STXBP5L: variants seen among roughly 807,000 people sequenced by gnomAD.
STXBP5L encodes the protein syntaxin-binding protein 5-like.
In STXBP5L, 65 loss-of-function variants were observed where a neutral mutation model predicts 144.5. That is an observed-to-expected ratio of 0.45 (90% CI 0.37 to 0.55). The LOEUF (loss-of-function observed/expected upper bound fraction) is 0.55, where lower values mean the gene tolerates loss of function less well. STXBP5L is among the 20% of genes least tolerant of loss of function. The probability of loss-of-function intolerance (pLI) is 0.00; values close to 1 mark genes in which losing one functional copy is unlikely to be tolerated. For synonymous variants in STXBP5L, 505 were observed against 469.6 expected (o/e 1.08, Z -0.97); for missense variants, 1,298 against 1,405.5 (o/e 0.92, Z 1.22).
chr3:120,967,775 A>G (rs930780521), intron 3 of STXBP5L, among the ~76,000 whole-genome samples: 2 of 152,042 alleles, frequency 1.3e-5, no homozygotes, highest in African/African-American at 4.8e-5. Flanking sequence ...CTTTTGCTGT[A>G]TTTCATAGGT....
chr3:121,094,596 C>A (rs536017351), intron 5 of STXBP5L, among the ~76,000 whole-genome samples: 17 of 151,920 alleles, frequency 1.1e-4, no homozygotes, highest in African/African-American at 4.1e-4. Context: ...GATTGCAACC[C>A]CTGCCTTTTT....
At chr3:121,034,416 G>T (rs1406673972) in intron 3 of STXBP5L, among the ~76,000 whole-genome samples, 4 of 152,032 alleles carry the variant, frequency 2.6e-5, no homozygotes, top group African/African-American at 9.7e-5. Context: ...TCTAACTTAG[G>T]ATAATGGCCT....
intron 3 of STXBP5L, among the ~76,000 whole-genome samples, chr3:121,023,507 A>G (rs1945709708): frequency 6.6e-6 from 1 of 152,234 alleles, no homozygotes; most frequent in South Asian, 2.1e-4. Context: ...CTACAAGGCT[A>G]TGGTTACCAA....
rs1307280207 is a variant in STXBP5L at position 121,381,461 on chromosome 3, T to C, written c.2516T>C (p.Leu839Ser). Residue 839 changes from leucine (L) to serine (S), a missense_variant, in exon 22 of 27, where the codon TTA (leucine) becomes TCA (serine). Physicochemically the swap from Leu to Ser is moderately radical, Grantham distance 145 (BLOSUM62 -2). Coordinates refer to ENST00000471454, the MANE Select transcript of STXBP5L (RefSeq NM_001308330.2). ...GTTGGAACCAGTCTGGGAATGGTGT[T>C]AATCATCTCCTTAAACCTACCATTA... ...LFVGTSLGMV[L>S]IISLNLPLAD... The C allele has an allele frequency of 6.3e-7, 1 of 1,599,124 alleles. No individual in the cohort carries two copies. The highest frequency in any genetic ancestry group is 2.2e-5 in the East Asian group (1 of 44,770).
chr3:121,262,388 G>C (rs149732340), intron 18 of STXBP5L, among the ~76,000 whole-genome samples: 1 of 152,162 alleles, frequency 6.6e-6, no homozygotes, highest in Non-Finnish European at 1.5e-5. Context: ...CCAGCACTTC[G>C]GGAGGCCAAG....
At chr3:121,053,967 G>A (rs1285310769) in intron 5 of STXBP5L, among the ~76,000 whole-genome samples, 1 of 152,130 alleles carries the variant, frequency 6.6e-6, no homozygotes, top group Non-Finnish European at 1.5e-5. Context: ...AGACATTTAT[G>A]CAGCCAAAAG....
At chr3:121,377,596 G>A (rs9824168) in intron 20 of STXBP5L, among the ~76,000 whole-genome samples, 11 of 152,260 alleles carry the variant, frequency 7.2e-5, no homozygotes, top group Non-Finnish European at 1.6e-4. Flanking sequence ...GGTCATTAGA[G>A]AAATGCAAAT....
At chr3:121,034,009 C>T (rs1277188895) in intron 3 of STXBP5L, among the ~76,000 whole-genome samples, 1 of 152,040 alleles carries the variant, frequency 6.6e-6, no homozygotes, top group African/African-American at 2.4e-5. Flanking sequence ...ATAGTAACTA[C>T]TAAAATAGCA....
intron 20 of STXBP5L, among the ~76,000 whole-genome samples, chr3:121,362,093 T>A (rs776730915): frequency 6.6e-6 from 1 of 152,240 alleles, no homozygotes; most frequent in Non-Finnish European, 1.5e-5. Flanking sequence ...TTATCTGGGT[T>A]ACATGACAGA....
chr3:121,242,500 A>G (rs1481775042), intron 14 of STXBP5L, among the ~76,000 whole-genome samples: 1 of 152,130 alleles, frequency 6.6e-6, no homozygotes, highest in Non-Finnish European at 1.5e-5. Context: ...AAAAAACTGT[A>G]AAAATTATGC....
At chr3:121,038,274 A>T (rs1233415960) in intron 3 of STXBP5L, among the ~76,000 whole-genome samples, 1 of 151,980 alleles carries the variant, frequency 6.6e-6, no homozygotes, top group African/African-American at 2.4e-5. Flanking sequence ...AGGTAATAAA[A>T]GCTCTAAATT....
chr3:121,224,391 C>T (rs573444949), intron 11 of STXBP5L, among the ~76,000 whole-genome samples: 84 of 152,194 alleles, frequency 5.5e-4, no homozygotes, highest in Middle Eastern at 3.4e-3. Context: ...TCCAAAGTTA[C>T]TAGGACAGAC....
intron 17 of STXBP5L, 39 bp downstream of exon 17, chr3:121,257,372 T>C: frequency 6.5e-7 from 1 of 1,540,252 alleles, no homozygotes; most frequent in Non-Finnish European, 8.9e-7. Context: ...ATTTTAGATA[T>C]TAATCATATG....
chr3:121,335,205 C>T (rs2044463686), intron 20 of STXBP5L, among the ~76,000 whole-genome samples: 1 of 152,084 alleles, frequency 6.6e-6, no homozygotes. Flanking sequence ...ATCCCATTCA[C>T]AATTGCCACA....
intron 20 of STXBP5L, among the ~76,000 whole-genome samples, chr3:121,319,621 C>T (rs2043902621): frequency 6.6e-6 from 1 of 152,128 alleles, no homozygotes. Context: ...GTATTTATTG[C>T]CTCATACCTA....
At chr3:121,216,359 G>A (rs951316617) in intron 10 of STXBP5L, among the ~76,000 whole-genome samples, 4 of 152,062 alleles carry the variant, frequency 2.6e-5, no homozygotes, top group Non-Finnish European at 4.4e-5. Flanking sequence ...CTTCGGATGG[G>A]GTTTTTGTGT....
At chr3:120,998,465 G>A (rs146655218) in intron 3 of STXBP5L, among the ~76,000 whole-genome samples, 3 of 151,946 alleles carry the variant, frequency 2.0e-5, no homozygotes, top group South Asian at 4.2e-4. Context: ...CACGTGCCAT[G>A]GTGGTTTGCT....
intron 9 of STXBP5L, among the ~76,000 whole-genome samples, chr3:121,165,555 T>C (rs529767080): frequency 1.3e-5 from 2 of 152,288 alleles, no homozygotes; most frequent in South Asian, 2.1e-4. Context: ...CTGCTTTTGT[T>C]GTAGGAAAAA....
At chr3:121,102,652 ATGACTAGGTC>A (rs2043491391) in intron 5 of STXBP5L, among the ~76,000 whole-genome samples, 5 of 152,150 alleles carry the variant, frequency 3.3e-5, no homozygotes, top group Admixed American at 3.3e-4. Context: ...GAAAGAATTT[ATGACTAGGTC>A]TTCAAAAGCA....
Sources: gnomAD v4.1 joint callset for allele counts (sites outside exome capture counted in the v4.1 genomes callset) on GRCh38, gnomAD v4.1.1 for gene constraint, MANE v1.5 for transcripts, NCBI Gene and HGNC (gene_info 2026-07-23, HGNC 2026-07-21) for gene names.